DEK: variants seen among roughly 807,000 people sequenced by gnomAD.
DEK encodes the protein protein DEK.
DEK carries 28 observed loss-of-function variants against 46.8 expected under a neutral mutation model. That is an observed-to-expected ratio of 0.60 (90% CI 0.44 to 0.82). The LOEUF is 0.82. Among genes scored for constraint, DEK ranks in the 40% least tolerant of loss-of-function variants. The probability of loss-of-function intolerance (pLI) is 0.00; values close to 1 mark genes in which losing one functional copy is unlikely to be tolerated. For synonymous variants in DEK, 160 were observed against 144.5 expected (o/e 1.11, Z -0.77); for missense variants, 416 against 430.6 (o/e 0.97, Z 0.30).
chr6:18,258,246 A>G (rs1791687505), intron 3 of DEK, 58 bp downstream of exon 3: 2 of 1,444,228 alleles, frequency 1.4e-6, no homozygotes, highest in African/African-American at 1.4e-5. Flanking sequence ...ACAAACCATC[A>G]TTTTCACAAA....
intron 7 of DEK, among the ~76,000 whole-genome samples, chr6:18,245,545 C>T (rs1380507599): frequency 6.6e-6 from 1 of 152,082 alleles, no homozygotes; most frequent in African/African-American, 2.4e-5. Flanking sequence ...TATAAAAACA[C>T]TAGAAAATAA....
At chr6:18,241,349 A>ATTTTACAT (rs1484330008) in intron 7 of DEK, among the ~76,000 whole-genome samples, 2 of 152,180 alleles carry the variant, frequency 1.3e-5, no homozygotes, top group Non-Finnish European at 2.9e-5. Context: ...GTCCCCTTTA[A>ATTTTACAT]TTTTACATGA....
At chr6:18,255,679 TA>T in intron 6 of DEK, 51 bp downstream of exon 6, 2 of 1,559,610 alleles carry the variant, frequency 1.3e-6, no homozygotes, top group South Asian at 1.2e-5. Flanking sequence ...TTGTTTCATA[TA>T]AAGAGGCTAT....
At chr6:18,255,986 CTTTT>C in intron 5 of DEK, 135 bp from the exon 6 acceptor site, 2 of 952,570 alleles carry the variant, frequency 2.1e-6, no homozygotes, top group Non-Finnish European at 2.8e-6. Flanking sequence ...TTCTATGAAT[CTTTT>C]TTCTTTTTTT....
At chr6:18,254,331 A>C (rs747033202) in intron 6 of DEK, among the ~76,000 whole-genome samples, 16 of 152,168 alleles carry the variant, frequency 1.1e-4, no homozygotes, top group Non-Finnish European at 1.5e-4. Flanking sequence ...AATCTGTCTC[A>C]AAACAACAGT....
At chr6:18,258,089 A>G (rs764879477) in intron 3 of DEK, 27 bp from the exon 4 acceptor site, 12 of 1,472,552 alleles carry the variant, frequency 8.1e-6, no homozygotes, top group Non-Finnish European at 1.1e-5. Flanking sequence ...ATCACAATTA[A>G]ATACCTATGG....
intron 9 of DEK, among the ~76,000 whole-genome samples, chr6:18,228,390 G>A (rs554855957): frequency 7.2e-5 from 11 of 151,880 alleles, no homozygotes; most frequent in Non-Finnish European, 1.0e-4. Context: ...TGTTTGCCCC[G>A]GGAGGTTCCA....
chr6:18,231,140 G>T (rs985918256), intron 9 of DEK, among the ~76,000 whole-genome samples: 9 of 152,174 alleles, frequency 5.9e-5, no homozygotes, highest in Admixed American at 5.2e-4. Flanking sequence ...ACAAAATGAA[G>T]GCAGAAATAA....
At chr6:18,254,059 G>A (rs531304184) in intron 6 of DEK, among the ~76,000 whole-genome samples, 5 of 152,192 alleles carry the variant, frequency 3.3e-5, no homozygotes, top group East Asian at 3.9e-4. Context: ...GGCCAGGCAC[G>A]GTAGCTCACG....
chr6:18,248,624 ATT>A (rs1371320133), intron 7 of DEK, among the ~76,000 whole-genome samples: 4 of 152,198 alleles, frequency 2.6e-5, no homozygotes, highest in African/African-American at 9.6e-5. Context: ...TCTTTATAAA[ATT>A]TGACGCTAAA....
At position 18,258,424 on chromosome 6, in the gene DEK, TTTC is replaced by T. The variant is rs773178246; in HGVS notation, c.146-22_146-20del. ...CTCTTTTCTAGAAATTAATTTAGTA[TTTC>T]TTAATTAACAAAAAGCTTAAACATT... On this transcript the variant is annotated intron_variant, in intron 2 of 10. Coordinates refer to ENST00000652689, the MANE Select transcript of DEK (RefSeq NM_003472.4). 3.2e-6 allele frequency: 5 copies of T among 1,568,862 alleles called. No individual in the cohort carries two copies. The highest frequency in any genetic ancestry group is 2.7e-5 in the African/African-American group (2 of 73,684).
At chr6:18,232,204 G>A (rs1410564816) in intron 9 of DEK, among the ~76,000 whole-genome samples, 1 of 152,180 alleles carries the variant, frequency 6.6e-6, no homozygotes, top group African/African-American at 2.4e-5. Context: ...AGGTAGTGAT[G>A]TGACGTATCT....
chr6:18,237,328 A>G (rs1790697630), intron 8 of DEK, 53 bp downstream of exon 8: 1 of 1,551,064 alleles, frequency 6.4e-7, no homozygotes, highest in African/African-American at 1.4e-5. Context: ...TGTACAACAT[A>G]TTAATATATG....
rs1790020830 is a variant in DEK, at chr6:18,224,452, A to T, written c.*1267T>A. 5.1e-6 allele frequency: 1 copy of T among 195,326 alleles called. No homozygotes were observed. The highest frequency in any genetic ancestry group is 2.3e-5 in the African/African-American group (1 of 43,210). 12.1% of individuals were successfully genotyped at this position (195,326 alleles called of 1,614,324 possible). The stretch of plus-strand genomic sequence containing the variant: ...TGTGTCATAAACAGCATGTTTTAAA[A>T]TTCAGATTTAATAAACTGATTTAAG... On this transcript the variant is annotated 3_prime_UTR_variant, in exon 11 of 11. Transcript: ENST00000652689.
chr6:18,243,934 T>C (rs1791000512), intron 7 of DEK, among the ~76,000 whole-genome samples: 1 of 152,094 alleles, frequency 6.6e-6, no homozygotes, highest in Admixed American at 6.6e-5. Context: ...ACCACTGTAC[T>C]CCAGCCTGGG....
intron 9 of DEK, among the ~76,000 whole-genome samples, chr6:18,227,042 G>A (rs892191979): frequency 1.3e-5 from 2 of 152,202 alleles, no homozygotes; most frequent in African/African-American, 4.8e-5. Flanking sequence ...GCGGAAGGCT[G>A]CAGGGACCTC....
intron 7 of DEK, among the ~76,000 whole-genome samples, chr6:18,237,944 G>A (rs1375456935): frequency 7.3e-6 from 1 of 136,428 alleles, no homozygotes; most frequent in Non-Finnish European, 1.5e-5. Context: ...TTGGTTCACT[G>A]CAACCTCTGC....
intron 2 of DEK, among the ~76,000 whole-genome samples, chr6:18,258,638 T>TA (rs953582015): frequency 1.8e-4 from 26 of 148,076 alleles, no homozygotes; most frequent in East Asian, 3.9e-4. Context: ...GGGACTCAGT[T>TA]AAAAAAAAAA....
chr6:18,257,258 G>C (rs1008252959), intron 4 of DEK, among the ~76,000 whole-genome samples: 7 of 152,132 alleles, frequency 4.6e-5, no homozygotes, highest in African/African-American at 1.7e-4. Flanking sequence ...TCATATGTAT[G>C]ATCTCATACA....
Sources: allele counts gnomAD v4.1 joint callset (sites outside exome capture counted in the v4.1 genomes callset), GRCh38; gene constraint gnomAD v4.1.1; transcripts MANE v1.5; gene names NCBI Gene and HGNC (gene_info 2026-07-23, HGNC 2026-07-21).